ITPK1: variants seen among roughly 807,000 people sequenced by gnomAD.
ITPK1 encodes inositol-tetrakisphosphate 1-kinase.
In ITPK1, 21 loss-of-function variants were observed where a neutral mutation model predicts 45.3. That is an observed-to-expected ratio of 0.46 (90% CI 0.33 to 0.67). The LOEUF is 0.67. Among genes scored for constraint, ITPK1 ranks in the 30% least tolerant of loss-of-function variants. ITPK1 has a pLI of 0.02. For synonymous variants in ITPK1, 258 were observed against 253.6 expected (o/e 1.02, Z -0.16); for missense variants, 474 against 573.5 (o/e 0.83, Z 1.77).
At chr14:93,026,946 T>C (rs1888764616) in intron 3 of ITPK1, among the ~76,000 whole-genome samples, 1 of 152,236 alleles carries the variant, frequency 6.6e-6, no homozygotes, top group South Asian at 2.1e-4. Flanking sequence ...TCTTGGAAAG[T>C]GCAGTATCAA....
intron 3 of ITPK1, among the ~76,000 whole-genome samples, chr14:93,042,163 ATGACTCAAG>A (rs1436634061): frequency 6.6e-6 from 1 of 152,188 alleles, no homozygotes; most frequent in Non-Finnish European, 1.5e-5. Flanking sequence ...TAGAGAACAA[ATGACTCAAG>A]TGCCCTGAAT....
In ITPK1 at chr14:92,939,218, C is replaced by T. The variant is rs72704287; in HGVS notation, c.*2343G>A. 8,236 of 152,384 alleles carry T rather than the reference C, an allele frequency of 0.054. 292 individuals are homozygous for T. Among genetic ancestry groups the T allele is most frequent in the Middle Eastern group, 0.11 (33 of 294 alleles). 9.4% of individuals were successfully genotyped at this position (152,384 alleles called of 1,614,324 possible). On this transcript the variant is annotated 3_prime_UTR_variant, in exon 11 of 11. Coordinates refer to ENST00000267615, the MANE Select transcript of ITPK1 (RefSeq NM_014216.6). ...CACCATGCTCTGGAGAAGAGGAGGCCGCCAGAGCCCGGGTGGTTTTAGTGG... is the reference window on the plus strand; with the variant it reads ...CACCATGCTCTGGAGAAGAGGAGGCTGCCAGAGCCCGGGTGGTTTTAGTGG...
At chr14:93,093,701 C>T (rs1018298030) in intron 2 of ITPK1, among the ~76,000 whole-genome samples, 8 of 152,184 alleles carry the variant, frequency 5.3e-5, no homozygotes, top group African/African-American at 1.2e-4. Context: ...CCTGAGTAGT[C>T]GAGGAATAGC....
At chr14:92,994,901 G>A (rs958015188) in intron 4 of ITPK1, among the ~76,000 whole-genome samples, 1 of 152,186 alleles carries the variant, frequency 6.6e-6, no homozygotes, top group Non-Finnish European at 1.5e-5. Context: ...ACAGAGTTAG[G>A]ACTCCATATG....
At chr14:93,018,450 G>A (rs534360742) in intron 3 of ITPK1, among the ~76,000 whole-genome samples, 10 of 152,216 alleles carry the variant, frequency 6.6e-5, no homozygotes, top group Middle Eastern at 3.4e-3. Flanking sequence ...CCCCCGGAAC[G>A]CAGCAGCTCT....
Position 92,962,379 on chromosome 14 carries a change from C to T in ITPK1, c.480G>A (p.Val160=), listed in dbSNP as rs774037199. 2 of 1,611,216 alleles carry T rather than the reference C, an allele frequency of 1.2e-6. No individual in the cohort carries two copies. Among genetic ancestry groups the T allele is most frequent in the South Asian group, 1.1e-5 (1 of 91,010 alleles). Residue 160 remains valine (V), a synonymous_variant, in exon 7 of 11, where the codon GTG becomes GTA. Transcript: ENST00000267615. ...CCTCGTGAGAGTTGGTGCCATGAGCCACTCTGGTTTTGCAAACTATGGGTT... is the reference window on the plus strand; with the variant it reads ...CCTCGTGAGAGTTGGTGCCATGAGCTACTCTGGTTTTGCAAACTATGGGTT... The part of the protein sequence containing the change: ...LTFPFICKTR[V]AHGTNSHEMA...
In ITPK1 at chr14:92,938,324, A is replaced by G. The variant is rs557157144; in HGVS notation, c.*3237T>C. On this transcript the variant is annotated 3_prime_UTR_variant, in exon 11 of 11. Coordinates refer to ENST00000267615, the MANE Select transcript of ITPK1 (RefSeq NM_014216.6). ...AGGGACATTAGTGAAGCCATTCAGC[A>G]GTTGTGGCCAGTGGCCAATGTGAGT... The G allele has an allele frequency of 2.7e-5, 18 of 663,456 alleles. No homozygotes were observed. Among genetic ancestry groups the G allele is most frequent in the African/African-American group, 2.7e-4 (15 of 55,820 alleles). 41.1% of individuals were successfully genotyped at this position (663,456 alleles called of 1,614,324 possible). A position where few individuals can be genotyped will look rare whatever the true frequency, so the allele number is the denominator to read the frequency against.
intron 2 of ITPK1, among the ~76,000 whole-genome samples, chr14:93,097,525 C>A (rs78319906): frequency 6.6e-6 from 1 of 152,118 alleles, no homozygotes; most frequent in African/African-American, 2.4e-5. Context: ...ACCAGAGCTA[C>A]GCAGCAAAGC....
chr14:93,075,027 C>A (rs1478613500), intron 3 of ITPK1, among the ~76,000 whole-genome samples: 1 of 152,042 alleles, frequency 6.6e-6, no homozygotes, highest in Non-Finnish European at 1.5e-5. Flanking sequence ...TTAAAGCCCA[C>A]AGAAAAATTC....
chr14:93,037,286 G>T (rs1365152484), intron 3 of ITPK1, among the ~76,000 whole-genome samples: 1 of 152,266 alleles, frequency 6.6e-6, no homozygotes, highest in Non-Finnish European at 1.5e-5. Flanking sequence ...TAGGACGTCA[G>T]ATCCTGCCTG....
intron 5 of ITPK1, among the ~76,000 whole-genome samples, chr14:92,985,265 A>T (rs982955338): frequency 6.6e-6 from 1 of 152,142 alleles, no homozygotes; most frequent in African/African-American, 2.4e-5. Flanking sequence ...GGACTAAAAA[A>T]TGGGTATTAG....
chr14:92,972,149 T>A (rs777787743), intron 5 of ITPK1, among the ~76,000 whole-genome samples: 1 of 152,108 alleles, frequency 6.6e-6, no homozygotes, highest in Non-Finnish European at 1.5e-5. Flanking sequence ...CAGCAAGGCG[T>A]CCATGCCCCG....
chr14:93,027,959 A>T (rs1031173669), intron 3 of ITPK1, among the ~76,000 whole-genome samples: 30 of 152,166 alleles, frequency 2.0e-4, no homozygotes, highest in Admixed American at 2.0e-3. Context: ...CAGTGGGAAA[A>T]AAAGGGGCTG....
intron 4 of ITPK1, among the ~76,000 whole-genome samples, chr14:93,003,130 GC>G (rs34862862): frequency 1.3e-5 from 2 of 152,216 alleles, no homozygotes; most frequent in African/African-American, 2.4e-5. Flanking sequence ...GAATGGAGTG[GC>G]CCCTGCAGGG....
chr14:93,095,706 A>C (rs576894055), intron 2 of ITPK1, among the ~76,000 whole-genome samples: 1 of 151,938 alleles, frequency 6.6e-6, no homozygotes, highest in Admixed American at 6.6e-5. Context: ...GGTACTGAGC[A>C]TAGTACCCAA....
intron 3 of ITPK1, among the ~76,000 whole-genome samples, chr14:93,057,429 C>T (rs1194515851): frequency 1.3e-5 from 2 of 152,252 alleles, no homozygotes; most frequent in African/African-American, 4.8e-5. Context: ...CACACACTTG[C>T]TCACTCCTAC....
At chr14:92,957,956 C>T (rs1246583182) in intron 8 of ITPK1, among the ~76,000 whole-genome samples, 1 of 152,214 alleles carries the variant, frequency 6.6e-6, no homozygotes, top group Non-Finnish European at 1.5e-5. Flanking sequence ...CTGGATGCAT[C>T]CTGGAGTCTA....
intron 5 of ITPK1, among the ~76,000 whole-genome samples, chr14:92,976,690 T>C (rs1595103554): frequency 1.3e-5 from 2 of 152,242 alleles, no homozygotes; most frequent in Admixed American, 1.3e-4. Flanking sequence ...TCAACTTGTG[T>C]CATCTTTATA....
chr14:93,058,096 G>T (rs1225670993), intron 3 of ITPK1, among the ~76,000 whole-genome samples: 1 of 152,056 alleles, frequency 6.6e-6, no homozygotes, highest in African/African-American at 2.4e-5. Context: ...TGCCACTGGG[G>T]CCTGGGTGAG....
Sources: gnomAD v4.1 joint callset for allele counts (sites outside exome capture counted in the v4.1 genomes callset) on GRCh38, gnomAD v4.1.1 for gene constraint, MANE v1.5 for transcripts, NCBI Gene and HGNC (gene_info 2026-07-23, HGNC 2026-07-21) for gene names.